RARS2: variants seen among roughly 807,000 people sequenced by gnomAD.
RARS2 encodes the protein arginyl-tRNA synthetase 2, mitochondrial.
Under a neutral mutation model 88.5 loss-of-function variants are expected in RARS2, and 67 were observed. The observed-to-expected ratio is 0.76, with a 90% CI of 0.62 to 0.93. The LOEUF (loss-of-function observed/expected upper bound fraction) is 0.93, where lower values mean the gene tolerates loss of function less well. Ranked by LOEUF, RARS2 falls within the 40% of genes least tolerant of loss-of-function variation. The probability of loss-of-function intolerance (pLI) is 0.00; values close to 1 mark genes in which losing one functional copy is unlikely to be tolerated. For synonymous variants in RARS2, 239 were observed against 230.3 expected (o/e 1.04, Z -0.34); for missense variants, 664 against 684.2 (o/e 0.97, Z 0.33).
chr6:87,584,310 T>TCAA (rs1774480069), intron 1 of RARS2, among the ~76,000 whole-genome samples: 1 of 152,208 alleles, frequency 6.6e-6, no homozygotes, highest in African/African-American at 2.4e-5. Flanking sequence ...TCTGATGTTT[T>TCAA]CTGCTACCAT....
chr6:87,586,954 G>A (rs1206768587), intron 1 of RARS2, among the ~76,000 whole-genome samples: 3 of 151,648 alleles, frequency 2.0e-5, no homozygotes, highest in Non-Finnish European at 4.4e-5. Flanking sequence ...TACCACCCAC[G>A]CTGGAGTTCA....
At chr6:87,554,901 G>C (rs1451171306) in intron 5 of RARS2, among the ~76,000 whole-genome samples, 2 of 152,164 alleles carry the variant, frequency 1.3e-5, no homozygotes, top group Admixed American at 6.5e-5. Context: ...AGGAGATGGA[G>C]ACCATCCTGG....
rs141420759 is a variant in RARS2, at chr6:87,524,295, T to C, written c.974+262A>G. ...GCCTGCTTTACCAAATCCCAATGAG[T>C]TCTGGTATTTATGTGCATGTAAGAT... On this transcript the variant is annotated intron_variant, in intron 11 of 19. Coordinates refer to ENST00000369536, the MANE Select transcript of RARS2 (RefSeq NM_020320.5). Among the ~76,000 whole-genome samples, 13 of 152,304 alleles carry C rather than the reference T, an allele frequency of 8.5e-5. No homozygotes were observed. In the East Asian group the frequency reaches 2.3e-3, roughly 27 times the overall value.
intron 5 of RARS2, 46 bp downstream of exon 5, chr6:87,555,362 C>T (rs1465000213): frequency 1.4e-6 from 2 of 1,439,410 alleles, no homozygotes; most frequent in African/African-American, 1.4e-5. Context: ...CACTCCTCTG[C>T]CCAGTCAACT....
chr6:87,556,244 G>A (rs1273511199), intron 4 of RARS2, among the ~76,000 whole-genome samples: 1 of 152,076 alleles, frequency 6.6e-6, no homozygotes, highest in Non-Finnish European at 1.5e-5. Context: ...TTATGTTAAT[G>A]GTGATGAACT....
At chr6:87,560,747 C>T (rs554479395) in intron 4 of RARS2, among the ~76,000 whole-genome samples, 28 of 152,244 alleles carry the variant, frequency 1.8e-4, no homozygotes, top group Middle Eastern at 3.4e-3. Flanking sequence ...ATTAGCTGGG[C>T]GCGGTGGTGC....
chr6:87,550,735 C>G (rs1400995455), intron 5 of RARS2, among the ~76,000 whole-genome samples: 1 of 122,094 alleles, frequency 8.2e-6, no homozygotes, highest in East Asian at 2.4e-4. Flanking sequence ...GAATAGAATA[C>G]AATGGAACAA....
chr6:87,575,467 C>G (rs1375881153), intron 1 of RARS2, among the ~76,000 whole-genome samples: 1 of 152,108 alleles, frequency 6.6e-6, no homozygotes, highest in Non-Finnish European at 1.5e-5. Flanking sequence ...AAAATACATA[C>G]ATAGTGTCTA....
intron 10 of RARS2, among the ~76,000 whole-genome samples, chr6:87,527,236 G>A (rs1582364579): frequency 6.6e-6 from 1 of 152,066 alleles, no homozygotes. Flanking sequence ...TTGAACCTGG[G>A]AGGCAGTGGT....
At chr6:87,577,102 T>C (rs1219460389) in intron 1 of RARS2, among the ~76,000 whole-genome samples, 1 of 152,238 alleles carries the variant, frequency 6.6e-6, no homozygotes, top group Non-Finnish European at 1.5e-5. Flanking sequence ...CCTACGCATT[T>C]GCATCCATGG....
chr6:87,520,953 T>TA (rs751022127), intron 12 of RARS2, among the ~76,000 whole-genome samples: 1 of 152,190 alleles, frequency 6.6e-6, no homozygotes, highest in African/African-American at 2.4e-5. Flanking sequence ...ATACATGTGA[T>TA]AAAGTCTCAT....
chr6:87,533,489 G>A (rs919182140), intron 8 of RARS2, among the ~76,000 whole-genome samples: 1 of 151,970 alleles, frequency 6.6e-6, no homozygotes, highest in Non-Finnish European at 1.5e-5. Flanking sequence ...TTCCTTTTAA[G>A]GCTAAATTTA....
At chr6:87,525,189 TTTGC>T (rs1458216049) in intron 10 of RARS2, among the ~76,000 whole-genome samples, 4 of 152,180 alleles carry the variant, frequency 2.6e-5, no homozygotes, top group African/African-American at 9.7e-5. Context: ...CAGGAGAAAG[TTTGC>T]TTTGGTACTA....
intron 14 of RARS2, 94 bp downstream of exon 14, chr6:87,519,489 A>G: frequency 7.3e-7 from 1 of 1,373,942 alleles, no homozygotes; most frequent in Non-Finnish European, 1.0e-6. Context: ...ACTTCAATGG[A>G]GGGACAGACA....
Position 87,545,708 on chromosome 6 carries a change from CAATAA to C in RARS2, c.452-14_452-10del. ...ATTTGCTATAAAATTTCCTAGTAAT[CAATAA>C]AGTATATAGTTTCTCATTCTTGTTA... On this transcript the variant is annotated splice_polypyrimidine_tract_variant and intron_variant, in intron 6 of 19. Transcript: ENST00000369536. 6.2e-7 allele frequency: 1 copy of C among 1,611,494 alleles called. No individual in the cohort carries two copies. The highest frequency in any genetic ancestry group is 8.5e-7 in the Non-Finnish European group (1 of 1,178,520).
intron 3 of RARS2, 105 bp from the exon 4 acceptor site, chr6:87,562,890 T>G: frequency 1.2e-6 from 1 of 823,800 alleles, no homozygotes; most frequent in East Asian, 2.5e-5. Flanking sequence ...GTAAGTCATC[T>G]TTCATGGTCC....
At chr6:87,535,299 T>C (rs1778780621) in intron 8 of RARS2, among the ~76,000 whole-genome samples, 1 of 152,220 alleles carries the variant, frequency 6.6e-6, no homozygotes, top group South Asian at 2.1e-4. Flanking sequence ...TTGAATTATT[T>C]ACTTAAAGTT....
At chr6:87,553,367 T>C (rs1041228546) in intron 5 of RARS2, among the ~76,000 whole-genome samples, 5 of 152,182 alleles carry the variant, frequency 3.3e-5, no homozygotes, top group African/African-American at 1.2e-4. Flanking sequence ...TCCTAATCCA[T>C]GGTGTCATAA....
intron 8 of RARS2, among the ~76,000 whole-genome samples, chr6:87,537,154 C>A (rs933970297): frequency 6.6e-6 from 1 of 152,196 alleles, no homozygotes; most frequent in Non-Finnish European, 1.5e-5. Context: ...GGAAGGCAGG[C>A]CATAAAATCT....
Sources: gnomAD v4.1 joint callset for allele counts (sites outside exome capture counted in the v4.1 genomes callset) on GRCh38, gnomAD v4.1.1 for gene constraint, MANE v1.5 for transcripts, NCBI Gene and HGNC (gene_info 2026-07-23, HGNC 2026-07-21) for gene names.